PTPRD: variants seen among roughly 807,000 people sequenced by gnomAD.
PTPRD encodes the protein protein tyrosine phosphatase receptor type D.
PTPRD carries 34 observed loss-of-function variants against 214.5 expected under a neutral mutation model. The observed-to-expected ratio is 0.16, with a 90% confidence interval of 0.12 to 0.21. The LOEUF is 0.21. Ranked by LOEUF, PTPRD falls within the 10% of genes least tolerant of loss-of-function variation. PTPRD has a pLI of 1.00. For synonymous variants in PTPRD, 1,128 were observed against 845.7 expected, an observed-to-expected ratio of 1.33 and a Z score of -5.79; for missense variants, 2,545 against 2,398.7, an observed-to-expected ratio of 1.06 and a Z score of -1.27.
At chr9:8,527,412 T>C (rs1359986243) in intron 15 of PTPRD, 59 bp from the exon 16 acceptor site, 2 of 1,520,264 alleles carry the variant, frequency 1.3e-6, no homozygotes, top group Non-Finnish European at 1.8e-6. Context: ...ATATTCCTTA[T>C]AATTTGGTAC....
chr9:10,472,287 C>G (rs1390395741), intron 2 of PTPRD, among the ~76,000 whole-genome samples: 1 of 152,060 alleles, frequency 6.6e-6, no homozygotes, highest in Non-Finnish European at 1.5e-5. Flanking sequence ...ACACTGCAAA[C>G]TCATTTATTC....
At chr9:8,730,928 T>G (rs923354694) in intron 12 of PTPRD, among the ~76,000 whole-genome samples, 3 of 114,890 alleles carry the variant, frequency 2.6e-5, no homozygotes, top group African/African-American at 9.8e-5. Flanking sequence ...CAAAATCATC[T>G]GGGCCATTCA....
chr9:9,152,619 C>A (rs2099877771), intron 10 of PTPRD, among the ~76,000 whole-genome samples: 1 of 152,148 alleles, frequency 6.6e-6, no homozygotes, highest in African/African-American at 2.4e-5. Flanking sequence ...ATAAATGGTG[C>A]CAAATGAATT....
chr9:8,405,349 T>C (rs1282891868), intron 35 of PTPRD, among the ~76,000 whole-genome samples: 1 of 152,116 alleles, frequency 6.6e-6, no homozygotes, highest in East Asian at 1.9e-4. Context: ...TTATTATGTG[T>C]TATTATGTTT....
intron 11 of PTPRD, among the ~76,000 whole-genome samples, chr9:8,979,914 A>G (rs1032539164): frequency 6.6e-6 from 1 of 152,060 alleles, no homozygotes; most frequent in East Asian, 1.9e-4. Context: ...CTGAGCTCCC[A>G]TGTTCACTGC....
At chr9:10,034,865 T>A (rs1013261725) in intron 3 of PTPRD, among the ~76,000 whole-genome samples, 1 of 152,226 alleles carries the variant, frequency 6.6e-6, no homozygotes, top group Non-Finnish European at 1.5e-5. Flanking sequence ...TTTTTGCTAT[T>A]GTGAATAGTG....
At chr9:10,453,067 G>C (rs2098857657) in intron 2 of PTPRD, among the ~76,000 whole-genome samples, 1 of 151,464 alleles carries the variant, frequency 6.6e-6, no homozygotes, top group African/African-American at 2.4e-5. Context: ...ATCATTTATT[G>C]ATCATCCTAT....
chr9:8,853,543 A>G (rs1404545256), intron 11 of PTPRD, among the ~76,000 whole-genome samples: 1 of 152,170 alleles, frequency 6.6e-6, no homozygotes, highest in Non-Finnish European at 1.5e-5. Context: ...ATGTATCCCA[A>G]ACAAACCTAT....
At chr9:8,814,602 T>C (rs1026995459) in intron 11 of PTPRD, among the ~76,000 whole-genome samples, 6 of 152,010 alleles carry the variant, frequency 3.9e-5, no homozygotes, top group Non-Finnish European at 7.4e-5. Context: ...TGAGTGAAAA[T>C]AGAAGACAGC....
At chr9:10,524,876 A>G (rs2053732316) in intron 2 of PTPRD, among the ~76,000 whole-genome samples, 1 of 151,996 alleles carries the variant, frequency 6.6e-6, no homozygotes, top group Non-Finnish European at 1.5e-5. Flanking sequence ...CTACAGGTGA[A>G]TTTAAAAAGA....
chr9:10,089,626 C>T (rs1237860205), intron 3 of PTPRD, among the ~76,000 whole-genome samples: 3 of 151,430 alleles, frequency 2.0e-5, no homozygotes, highest in Admixed American at 1.3e-4. Flanking sequence ...TAAAAGTAGG[C>T]AATACTGAAG....
Position 9,708,761 on chromosome 9 carries a change from C to T in PTPRD, c.-287+25772G>A, listed in dbSNP as rs188500303. Among the ~76,000 whole-genome samples the T allele has an allele frequency of 2.1e-4, 32 of 152,126 alleles. No individual in the cohort carries two copies. The East Asian group carries it at 6.2e-3, about 29-fold the overall frequency. On this transcript the variant is annotated intron_variant, in intron 7 of 45. Transcript: ENST00000381196. ...TTCACTTAAAATTGGTAGAAACTTG[C>T]ATAATACCTGGAGTTTCAAAAATAT...
chr9:9,023,078 G>C (rs1270678079), intron 10 of PTPRD, among the ~76,000 whole-genome samples: 1 of 152,062 alleles, frequency 6.6e-6, no homozygotes, highest in Admixed American at 6.6e-5. Flanking sequence ...TTGTAAAGTG[G>C]AACCTATACA....
intron 2 of PTPRD, among the ~76,000 whole-genome samples, chr9:10,420,003 A>T (rs549067818): frequency 1.3e-5 from 2 of 151,914 alleles, no homozygotes; most frequent in African/African-American, 4.8e-5. Context: ...ATTGGAAAAA[A>T]ATATATAAAA....
intron 9 of PTPRD, among the ~76,000 whole-genome samples, chr9:9,278,484 T>C (rs1403751272): frequency 6.6e-6 from 1 of 151,262 alleles, no homozygotes; most frequent in Non-Finnish European, 1.5e-5. Context: ...TTTATTAAAA[T>C]TAAGTGCCCA....
chr9:8,464,224 T>C (rs1427774807), intron 32 of PTPRD, among the ~76,000 whole-genome samples: 2 of 151,956 alleles, frequency 1.3e-5, no homozygotes, highest in South Asian at 2.1e-4. Flanking sequence ...CTAAGTATGC[T>C]TTTTGAAATG....
chr9:9,794,491 C>T (rs2098989172), intron 5 of PTPRD, among the ~76,000 whole-genome samples: 1 of 148,624 alleles, frequency 6.7e-6, no homozygotes, highest in Admixed American at 6.7e-5. Context: ...GCAGAGAAGG[C>T]ATGGGGGGTA....
At chr9:9,445,852 G>A (rs1018006284) in intron 8 of PTPRD, among the ~76,000 whole-genome samples, 5 of 152,124 alleles carry the variant, frequency 3.3e-5, no homozygotes, top group African/African-American at 1.2e-4. Flanking sequence ...AAGTATAGTG[G>A]TAATATTACT....
At chr9:10,294,448 G>T (rs1456933537) in intron 3 of PTPRD, among the ~76,000 whole-genome samples, 1 of 151,960 alleles carries the variant, frequency 6.6e-6, no homozygotes, top group East Asian at 1.9e-4. Flanking sequence ...TCCACAATTT[G>T]GACAATGACT....
Sources: gnomAD v4.1 joint callset for allele counts (sites outside exome capture counted in the v4.1 genomes callset) on GRCh38, gnomAD v4.1.1 for gene constraint, MANE v1.5 for transcripts, NCBI Gene and HGNC (gene_info 2026-07-23, HGNC 2026-07-21) for gene names.